OPCML: variants seen among roughly 807,000 people sequenced by gnomAD.
OPCML encodes opioid-binding protein/cell adhesion molecule.
A neutral mutation model predicts 37.8 loss-of-function variants in OPCML; 13 were observed. The ratio of observed to expected loss-of-function variants is 0.34; its 90% CI spans 0.22 to 0.55. The LOEUF is 0.55. Among genes scored for constraint, OPCML ranks in the 20% least tolerant of loss-of-function variants. The probability of loss-of-function intolerance (pLI) is 0.91; values close to 1 mark genes in which losing one functional copy is unlikely to be tolerated. For synonymous variants in OPCML, 176 were observed against 168.8 expected, an observed-to-expected ratio of 1.04 and a Z score of -0.33; for missense variants, 341 against 435.6, an observed-to-expected ratio of 0.78 and a Z score of 1.93.
intron 3 of OPCML, among the ~76,000 whole-genome samples, chr11:132,561,725 G>A (rs2096411148): frequency 6.6e-6 from 1 of 152,210 alleles, no homozygotes; most frequent in Non-Finnish European, 1.5e-5. Flanking sequence ...TGAATGATGA[G>A]CTTACTTAGA....
At chr11:132,422,075 G>C (rs548128430) in intron 7 of OPCML, among the ~76,000 whole-genome samples, 80 of 151,936 alleles carry the variant, frequency 5.3e-4, no homozygotes, top group African/African-American at 1.9e-3. Context: ...GTATTTTCAT[G>C]ACATATATGG....
chr11:133,419,363 C>A (rs1411793757), intron 1 of OPCML: 1 of 984,916 alleles, frequency 1.0e-6, no homozygotes, highest in Non-Finnish European at 1.2e-6. Flanking sequence ...GTGCTGGAGT[C>A]AGCTTCTACC....
intron 1 of OPCML, chr11:133,366,073 C>T (rs1375821741): frequency 6.6e-6 from 1 of 152,354 alleles, no homozygotes; most frequent in African/African-American, 2.4e-5. Context: ...CTCTTCCTTT[C>T]ATTTTACCTT....
chr11:132,559,513 G>T (rs915811942), intron 3 of OPCML, among the ~76,000 whole-genome samples: 1 of 152,170 alleles, frequency 6.6e-6, no homozygotes, highest in African/African-American at 2.4e-5. Flanking sequence ...CCAGCTTGCC[G>T]CTGGGGGGCA....
In OPCML at chr11:133,520,417, A is replaced by AG. The variant is rs144413250; in HGVS notation, c.61+11846dup. On this transcript the variant is annotated intron_variant, in intron 1 of 7. Transcript: ENST00000524381. ...GGCAGCCCCTTTCTCCCACGCAAGC[A>AG]GAAAAACAATGGTGCTAAATCAGTG... is the stretch of plus-strand genomic sequence containing the variant. 1.4e-3 allele frequency among the ~76,000 whole-genome samples: 210 copies of AG among 152,186 alleles called. 2 individuals carry two copies. The East Asian group carries it at 0.017, about 13-fold the overall frequency.
At chr11:132,630,827 C>A (rs1940056565) in intron 3 of OPCML, among the ~76,000 whole-genome samples, 1 of 152,158 alleles carries the variant, frequency 6.6e-6, no homozygotes, top group South Asian at 2.1e-4. Flanking sequence ...ACATTTATAA[C>A]AGATTCATTC....
At chr11:133,066,189 G>A (rs967517837) in intron 1 of OPCML, 1 of 152,282 alleles carries the variant, frequency 6.6e-6, no homozygotes, top group African/African-American at 2.4e-5. Context: ...CTTGCCTCAT[G>A]TCCACTCCTG....
At chr11:133,528,499 G>A (rs1948534808) in intron 1 of OPCML, among the ~76,000 whole-genome samples, 1 of 152,180 alleles carries the variant, frequency 6.6e-6, no homozygotes, top group Non-Finnish European at 1.5e-5. Flanking sequence ...GCTGGTGAGA[G>A]GCTAAGGAGC....
chr11:132,860,930 G>A (rs1229963820), intron 2 of OPCML, among the ~76,000 whole-genome samples: 1 of 152,008 alleles, frequency 6.6e-6, no homozygotes, highest in African/African-American at 2.4e-5. Flanking sequence ...TTCTCTTTTT[G>A]TAACAAAAAA....
intron 3 of OPCML, among the ~76,000 whole-genome samples, chr11:132,542,281 C>T (rs750482124): frequency 6.6e-6 from 1 of 152,166 alleles, no homozygotes. Flanking sequence ...GGATTTCATG[C>T]CCCTCCTTGT....
At chr11:133,077,778 CA>C (rs1948646811) in intron 1 of OPCML, among the ~76,000 whole-genome samples, 1 of 152,086 alleles carries the variant, frequency 6.6e-6, no homozygotes, top group Non-Finnish European at 1.5e-5. Flanking sequence ...GGAATATAGG[CA>C]AAAGATGCAA....
intron 1 of OPCML, among the ~76,000 whole-genome samples, chr11:133,098,213 C>CTTTT (rs749902124): frequency 7.5e-6 from 1 of 133,740 alleles, no homozygotes; most frequent in African/African-American, 2.8e-5. Flanking sequence ...GCTGGTTAAA[C>CTTTT]TTTTTTTTTT....
At chr11:132,429,852 G>A (rs1450607185) in intron 7 of OPCML, among the ~76,000 whole-genome samples, 1 of 152,160 alleles carries the variant, frequency 6.6e-6, no homozygotes, top group Admixed American at 6.5e-5. Context: ...ACCACTGGGT[G>A]CCTGAAGGTA....
At chr11:132,774,970 C>T (rs1220456428) in intron 2 of OPCML, among the ~76,000 whole-genome samples, 1 of 152,242 alleles carries the variant, frequency 6.6e-6, no homozygotes, top group African/African-American at 2.4e-5. Context: ...TTCAGTCCCA[C>T]CAACCTGGCA....
chr11:132,790,192 G>A (rs1937801804), intron 2 of OPCML, among the ~76,000 whole-genome samples: 1 of 152,168 alleles, frequency 6.6e-6, no homozygotes, highest in Non-Finnish European at 1.5e-5. Context: ...CCACCTAAGT[G>A]CCCATCAACA....
At chr11:132,686,238 A>C (rs996843262) in intron 2 of OPCML, among the ~76,000 whole-genome samples, 5 of 152,228 alleles carry the variant, frequency 3.3e-5, no homozygotes, top group African/African-American at 1.2e-4. Context: ...TTTGGGGGAC[A>C]TGACAATCCC....
rs532133454 is a variant in OPCML at position 133,104,655 on chromosome 11, T to C, written c.62-161645A>G. Among the ~76,000 whole-genome samples the C allele has an allele frequency of 2.6e-5, 4 of 152,330 alleles. No homozygotes were observed. In the East Asian group the frequency reaches 7.7e-4, roughly 29 times the overall value. On this transcript the variant is annotated intron_variant, in intron 1 of 7. Transcript: ENST00000524381. ...GATTTGAACTAATCTTGATTCTGAC[T>C]CAGCTGGTGTTAGGTTTTATTTCTG...
At chr11:133,429,310 A>T (rs754354216) in intron 1 of OPCML, among the ~76,000 whole-genome samples, 3 of 152,210 alleles carry the variant, frequency 2.0e-5, no homozygotes, top group Non-Finnish European at 2.9e-5. Context: ...TGCTCTAGTA[A>T]CTGAGGCAGG....
rs892969265 is a variant in OPCML, at chr11:133,173,945, A to G, written c.62-230935T>C. ...CTGGAGCAGCCCTCTCCCTCCATCC[A>G]TTCTACAAGGATCCCCAGTCAGCCA... On this transcript the variant is annotated intron_variant, in intron 1 of 7. Coordinates refer to ENST00000524381, the MANE Select transcript of OPCML (RefSeq NM_001012393.5). This position sits in a 1 kb window ranked among gnomAD's most constrained non-coding sequence, Gnocchi z 7.8. Among the ~76,000 whole-genome samples the G allele has an allele frequency of 1.3e-5, 2 of 152,130 alleles. No homozygotes were observed. Among genetic ancestry groups the G allele is most frequent in the African/African-American group, 4.8e-5 (2 of 41,434 alleles).
Sources: allele counts gnomAD v4.1 joint callset (sites outside exome capture counted in the v4.1 genomes callset), GRCh38; gene constraint gnomAD v4.1.1; non-coding constraint Gnocchi (gnomAD v3.1); transcripts MANE v1.5; gene names NCBI Gene and HGNC (gene_info 2026-07-23, HGNC 2026-07-21).